Variants in TNR observed in about 807,000 individuals in gnomAD.
TNR encodes the protein tenascin-R.
Under a neutral mutation model 150.4 loss-of-function variants are expected in TNR, and 45 were observed. The ratio of observed to expected loss-of-function variants is 0.30; its 90% CI spans 0.24 to 0.38. The LOEUF is 0.38. Among genes scored for constraint, TNR ranks in the 10% least tolerant of loss-of-function variants. TNR has a pLI of 1.00. For synonymous variants in TNR, 687 were observed against 678.4 expected (o/e 1.01, Z -0.20); for missense variants, 1,544 against 1,759.1 (o/e 0.88, Z 2.19).
intron 1 of TNR, among the ~76,000 whole-genome samples, chr1:175,623,035 A>G (rs12025987): frequency 0.48 from 72,224 of 152,002 alleles, 18,342 homozygotes; most frequent in African/African-American, 0.68. Context: ...ATAAGGTTAC[A>G]TTTTGAGGTA....
intron 1 of TNR, among the ~76,000 whole-genome samples, chr1:175,706,303 G>A (rs992120878): frequency 6.6e-6 from 1 of 152,252 alleles, no homozygotes. Context: ...ACTTGGTACA[G>A]GCTAGGCTGT....
chr1:175,581,542 G>A (rs1177151546), intron 1 of TNR, among the ~76,000 whole-genome samples: 1 of 152,144 alleles, frequency 6.6e-6, no homozygotes, highest in Non-Finnish European at 1.5e-5. Context: ...GAAGAGCAAG[G>A]AACCCTCATG....
At chr1:175,436,244 G>C (rs904725406) in intron 2 of TNR, among the ~76,000 whole-genome samples, 3 of 152,136 alleles carry the variant, frequency 2.0e-5, no homozygotes, top group African/African-American at 7.2e-5. Flanking sequence ...TTCCAACTTG[G>C]TTCCATTCTC....
rs111520594 is a variant in TNR at position 175,656,996 on chromosome 1, GA to G, written c.-165+86229del. ...ACAGAAAATTTGAGGAAGAAGGTTA[GA>G]AAGAGAAGATATAGGAGGTAAAGTG... On this transcript the variant is annotated intron_variant, in intron 1 of 22. Transcript: ENST00000367674. Among the ~76,000 whole-genome samples the G allele has an allele frequency of 3.5e-3, 529 of 152,266 alleles. 4 individuals are homozygous for G. The highest frequency in any genetic ancestry group is 0.012 in the African/African-American group (513 of 41,556).
At chr1:175,454,624 A>G (rs1274346206) in intron 2 of TNR, among the ~76,000 whole-genome samples, 1 of 152,116 alleles carries the variant, frequency 6.6e-6, no homozygotes, top group Non-Finnish European at 1.5e-5. Flanking sequence ...GGCATGTGCC[A>G]CCACACCTGG....
At chr1:175,593,664 C>G (rs1323215876) in intron 1 of TNR, among the ~76,000 whole-genome samples, 2 of 152,152 alleles carry the variant, frequency 1.3e-5, no homozygotes, top group Non-Finnish European at 2.9e-5. Context: ...TCCAAAAGAG[C>G]CTGTCCTTCA....
intron 2 of TNR, among the ~76,000 whole-genome samples, chr1:175,497,704 C>T (rs1658546217): frequency 1.3e-5 from 2 of 152,158 alleles, no homozygotes; most frequent in South Asian, 2.1e-4. Flanking sequence ...AGGCCCTCAT[C>T]GGTACCATGA....
chr1:175,366,964 A>G (rs1651867108), intron 10 of TNR, among the ~76,000 whole-genome samples: 1 of 152,178 alleles, frequency 6.6e-6, no homozygotes, highest in Non-Finnish European at 1.5e-5. Flanking sequence ...TACAGCCCTG[A>G]GCAGCTCTTC....
intron 1 of TNR, among the ~76,000 whole-genome samples, chr1:175,569,515 A>G (rs546261863): frequency 9.8e-5 from 15 of 152,330 alleles, no homozygotes; most frequent in Admixed American, 7.8e-4. Context: ...GACAGAGACA[A>G]ATGAAACAAA....
At chr1:175,552,276 A>G (rs1004757812) in intron 1 of TNR, among the ~76,000 whole-genome samples, 1 of 152,210 alleles carries the variant, frequency 6.6e-6, no homozygotes, top group Non-Finnish European at 1.5e-5. Flanking sequence ...ATTGTTTCTG[A>G]TAACTTTAAC....
intron 1 of TNR, among the ~76,000 whole-genome samples, chr1:175,551,955 T>C (rs1660959604): frequency 6.6e-6 from 1 of 152,204 alleles, no homozygotes; most frequent in Non-Finnish European, 1.5e-5. Context: ...TAAATCAACA[T>C]ATGATTTCTA....
intron 9 of TNR, among the ~76,000 whole-genome samples, chr1:175,375,676 G>T (rs1652345712): frequency 6.6e-6 from 1 of 152,148 alleles, no homozygotes; most frequent in South Asian, 2.1e-4. Context: ...CTTCTGCAGG[G>T]AATGGCAAAT....
At chr1:175,371,466 G>A (rs919778425) in intron 9 of TNR, among the ~76,000 whole-genome samples, 8 of 152,150 alleles carry the variant, frequency 5.3e-5, no homozygotes, top group African/African-American at 1.9e-4. Context: ...CATTAGCCTT[G>A]CCTTTTGGGG....
intron 2 of TNR, among the ~76,000 whole-genome samples, chr1:175,446,755 T>G (rs1656067882): frequency 6.6e-6 from 1 of 152,138 alleles, no homozygotes; most frequent in Admixed American, 6.6e-5. Flanking sequence ...CATGGTCAGC[T>G]GGAAAAAGGA....
intron 5 of TNR, 51 bp downstream of exon 5, chr1:175,396,493 T>A: frequency 6.3e-7 from 1 of 1,584,112 alleles, no homozygotes; most frequent in Non-Finnish European, 8.6e-7. Context: ...ATGCCCATGA[T>A]CTCATGTAGG....
chr1:175,454,103 G>A (rs181547451), intron 2 of TNR, among the ~76,000 whole-genome samples: 2 of 152,268 alleles, frequency 1.3e-5, no homozygotes, highest in East Asian at 3.9e-4. Context: ...TTGTCTGTCT[G>A]TTGGGGTTGG....
intron 1 of TNR, among the ~76,000 whole-genome samples, chr1:175,559,883 T>A (rs1000591435): frequency 6.6e-6 from 1 of 152,214 alleles, no homozygotes; most frequent in Non-Finnish European, 1.5e-5. Context: ...GTTACTCTTA[T>A]GGCAACCTTC....
intron 1 of TNR, among the ~76,000 whole-genome samples, chr1:175,548,467 G>A (rs1558000036): frequency 6.6e-6 from 1 of 152,094 alleles, no homozygotes; most frequent in Non-Finnish European, 1.5e-5. Context: ...AATGAGAAAT[G>A]TGCCAGCATC....
At chr1:175,380,762 A>C (rs1015340493) in intron 8 of TNR, among the ~76,000 whole-genome samples, 7 of 152,140 alleles carry the variant, frequency 4.6e-5, no homozygotes, top group Non-Finnish European at 1.0e-4. Flanking sequence ...CAGCATAAAC[A>C]ACTTGCAGTG....
Sources: allele counts gnomAD v4.1 joint callset (sites outside exome capture counted in the v4.1 genomes callset), GRCh38; gene constraint gnomAD v4.1.1; transcripts MANE v1.5; gene names NCBI Gene and HGNC (gene_info 2026-07-23, HGNC 2026-07-21).